The following ITGB6 variants were observed in gnomAD, a reference collection of about 807,000 sequenced individuals.
ITGB6 encodes the protein integrin beta-6.
In ITGB6, 80 loss-of-function variants were observed where a neutral mutation model predicts 84.5. The observed-to-expected ratio is 0.95, with a 90% CI of 0.79 to 1.14. The LOEUF (loss-of-function observed/expected upper bound fraction) is 1.14, where lower values mean the gene tolerates loss of function less well. Among genes scored for constraint, ITGB6 ranks in the 50% most tolerant of loss-of-function variants. The pLI is 0.00. For synonymous variants in ITGB6, 383 were observed against 354.9 expected (o/e 1.08, Z -0.89); for missense variants, 1,006 against 968.0 (o/e 1.04, Z -0.52).
rs376470109 is a variant in ITGB6, at chr2:160,112,179, C to T, written c.2002G>A (p.Val668Ile). ...TTTTCTCCTTGCAGAGAGCAGGAAA[C>T]AGAACCATCCTTTGAGAAATCTGCA... ...EEEDFSKDGS[V>I]SCSLQGENEC... Residue 668 changes from valine to isoleucine, a missense_variant, in exon 13 of 15, where the codon GTT becomes ATT. Transcript: ENST00000283249. 1.2e-6 allele frequency: 2 copies of T among 1,611,700 alleles called. No individual in the cohort carries two copies. The highest frequency in any genetic ancestry group is 1.7e-6 in the Non-Finnish European group (2 of 1,178,796).
intron 4 of ITGB6, 75 bp downstream of exon 4, chr2:160,195,294 G>A (rs1390130102): frequency 6.4e-7 from 1 of 1,572,508 alleles, no homozygotes; most frequent in Non-Finnish European, 8.7e-7. Context: ...CAAGCTCCTG[G>A]CAAGTGCAGC....
chr2:160,118,440 A>G (rs1682879806), intron 12 of ITGB6, among the ~76,000 whole-genome samples: 1 of 152,238 alleles, frequency 6.6e-6, no homozygotes, highest in African/African-American at 2.4e-5. Flanking sequence ...TAGATGCAGA[A>G]AAGGCCTTTG....
chr2:160,172,801 G>T, intron 5 of ITGB6, 71 bp from the exon 6 acceptor site: 1 of 1,210,594 alleles, frequency 8.3e-7, no homozygotes, highest in Non-Finnish European at 1.2e-6. Flanking sequence ...GATCAATTAT[G>T]CTTGGACACA....
chr2:160,172,300 C>G (rs1574117247), intron 6 of ITGB6, among the ~76,000 whole-genome samples: 1 of 152,120 alleles, frequency 6.6e-6, no homozygotes, highest in African/African-American at 2.4e-5. Flanking sequence ...TATTGCTTTA[C>G]CAGCACCAGG....
chr2:160,169,092 A>T, intron 7 of ITGB6, 120 bp downstream of exon 7: 1 of 622,842 alleles, frequency 1.6e-6, no homozygotes, highest in Non-Finnish European at 2.8e-6. Flanking sequence ...CGCCCAGTAC[A>T]TTTGGTGTGT....
In ITGB6 at chr2:160,172,842, A is replaced by G. The variant is rs1685266894; in HGVS notation, c.760-112T>C. ...GTTATAAAAATAATATTGCTAGTCTATTTTAGCCTTTTTATCTATCGTGAA... is the reference window on the plus strand; with the variant it reads ...GTTATAAAAATAATATTGCTAGTCTGTTTTAGCCTTTTTATCTATCGTGAA... On this transcript the variant is annotated intron_variant, in intron 5 of 14. Transcript: ENST00000283249. 5 of 764,272 alleles carry G rather than the reference A, an allele frequency of 6.5e-6. No individual in the cohort carries two copies. The Admixed American group carries it at 6.9e-5, about 10-fold the overall frequency. The allele number at this position is 764,272 out of a possible 1,614,324, so 47.3% of individuals were successfully genotyped here. A position where few individuals can be genotyped will look rare whatever the true frequency, so the allele number is the denominator to read the frequency against.
intron 7 of ITGB6, among the ~76,000 whole-genome samples, chr2:160,166,787 A>G (rs893572038): frequency 1.3e-5 from 2 of 152,200 alleles, no homozygotes; most frequent in African/African-American, 4.8e-5. Context: ...TGGGGTGCAC[A>G]CTACAGCCAT....
intron 8 of ITGB6, among the ~76,000 whole-genome samples, chr2:160,139,906 A>T (rs1263825828): frequency 6.6e-6 from 1 of 152,202 alleles, no homozygotes; most frequent in Non-Finnish European, 1.5e-5. Flanking sequence ...ATGATCAGAT[A>T]AGTACACATC....
chr2:160,172,289 G>A (rs1685236633), intron 6 of ITGB6, among the ~76,000 whole-genome samples: 1 of 152,184 alleles, frequency 6.6e-6, no homozygotes, highest in African/African-American at 2.4e-5. Flanking sequence ...TGAGCTGCCT[G>A]TATTGCTTTA....
intron 4 of ITGB6, among the ~76,000 whole-genome samples, chr2:160,192,150 G>A (rs547405401): frequency 6.6e-6 from 1 of 152,074 alleles, no homozygotes; most frequent in African/African-American, 2.4e-5. Flanking sequence ...ATATGGAAAT[G>A]CAAAGGATCT....
intron 5 of ITGB6, among the ~76,000 whole-genome samples, chr2:160,173,080 A>T (rs530549088): frequency 1.1e-4 from 17 of 152,314 alleles, no homozygotes; most frequent in Non-Finnish European, 2.4e-4. Flanking sequence ...GATGGTCCCA[A>T]ATCCAAATTG....
chr2:160,110,417 A>G (rs1682440424), intron 13 of ITGB6, among the ~76,000 whole-genome samples: 1 of 152,162 alleles, frequency 6.6e-6, no homozygotes, highest in Non-Finnish European at 1.5e-5. Flanking sequence ...TAATATTACT[A>G]TTGTTACAGC....
chr2:160,133,886 T>C (rs987948743), intron 10 of ITGB6, among the ~76,000 whole-genome samples: 1 of 151,796 alleles, frequency 6.6e-6, no homozygotes, highest in African/African-American at 2.4e-5. Context: ...TACCAGAATC[T>C]CTGGGACACA....
At position 160,136,205 on chromosome 2, in the gene ITGB6, C is replaced by A. The variant is rs541344243; in HGVS notation, c.1660+1229G>T. On this transcript the variant is annotated intron_variant, in intron 10 of 14. Transcript: ENST00000283249. The stretch of plus-strand genomic sequence containing the variant: ...TCTACAAAGAACTCAAACAAATTTA[C>A]AAGAAAAAAACAACCCCATCAACAA... 5.0e-3 allele frequency among the ~76,000 whole-genome samples: 757 copies of A among 152,090 alleles called. 10 individuals carry two copies. The highest frequency in any genetic ancestry group is 0.031 in the Middle Eastern group (9 of 294).
intron 10 of ITGB6, among the ~76,000 whole-genome samples, 155 bp from the exon 11 acceptor site, chr2:160,126,756 G>T (rs1683262067): frequency 6.6e-6 from 1 of 152,212 alleles, no homozygotes; most frequent in Non-Finnish European, 1.5e-5. Flanking sequence ...TGCAGTATGA[G>T]TGTAGATATA....
At chr2:160,158,336 G>C (rs1007481490) in intron 7 of ITGB6, among the ~76,000 whole-genome samples, 3 of 152,186 alleles carry the variant, frequency 2.0e-5, no homozygotes, top group African/African-American at 7.2e-5. Context: ...ACAGCTGAGC[G>C]AGTGCTCGGC....
In ITGB6 at chr2:160,169,707, A is replaced by G. The variant is rs542274840; in HGVS notation, c.922-400T>C. On this transcript the variant is annotated intron_variant, in intron 6 of 14. Coordinates refer to ENST00000283249, the MANE Select transcript of ITGB6 (RefSeq NM_000888.5). ...TCGAGGGAGGGGCTGTTGGACTATA[A>G]TATACATGACTGAAGTGACTCTTGT... Among the ~76,000 whole-genome samples, 36 of 152,330 alleles carry G rather than the reference A, an allele frequency of 2.4e-4. 1 individual carries two copies. The South Asian group carries it at 7.3e-3, about 31-fold the overall frequency.
intron 10 of ITGB6, among the ~76,000 whole-genome samples, chr2:160,136,626 C>T (rs537556131): frequency 9.2e-5 from 14 of 152,280 alleles, no homozygotes; most frequent in Non-Finnish European, 1.5e-5. Context: ...GCACTATTCA[C>T]AATAGCAAAG....
In ITGB6 at chr2:160,126,595, C is replaced by T; in HGVS notation, c.1667G>A (p.Gly556Asp). 1.9e-6 allele frequency: 3 copies of T among 1,612,604 alleles called. No homozygotes were observed. Among genetic ancestry groups the T allele is most frequent in the Non-Finnish European group, 2.5e-6 (3 of 1,179,642 alleles). Reference protein sequence around the residue: ...RHKGLLCGGNGDCDCGECVCR... With the variant: ...RHKGLLCGGNDDCDCGECVCR... ...CACACATTCACCACAGTCACAGTCG[C>T]CGTTACCTGTAACACAAAATGCTCT... The change falls in exon 11 of 15, where the codon GGC becomes GAC. Residue 556 changes from glycine to aspartate, a missense_variant. Coordinates refer to ENST00000283249, the MANE Select transcript of ITGB6 (RefSeq NM_000888.5).
Sources: gnomAD v4.1 joint callset for allele counts (sites outside exome capture counted in the v4.1 genomes callset) on GRCh38, gnomAD v4.1.1 for gene constraint, MANE v1.5 for transcripts, NCBI Gene and HGNC (gene_info 2026-07-23, HGNC 2026-07-21) for gene names.